The following LRRC4C variants were observed in gnomAD, a reference collection of about 807,000 sequenced individuals.
LRRC4C encodes the protein leucine rich repeat containing 4C.
LRRC4C carries 5 observed loss-of-function variants against 33.6 expected under a neutral mutation model. The ratio of observed to expected loss-of-function variants is 0.15; its 90% CI spans 0.08 to 0.31. LRRC4C has a LOEUF of 0.31. Among genes scored for constraint, LRRC4C ranks in the 10% least tolerant of loss-of-function variants. LRRC4C has a pLI of 1.00. For synonymous variants in LRRC4C, 329 were observed against 302.0 expected (o/e 1.09, Z -0.93); for missense variants, 560 against 796.7 (o/e 0.70, Z 3.58).
At chr11:41,439,480 A>G (rs890002675) in intron 1 of LRRC4C, among the ~76,000 whole-genome samples, 8 of 152,328 alleles carry the variant, frequency 5.3e-5, no homozygotes, top group African/African-American at 1.9e-4. Flanking sequence ...GTACTAATTT[A>G]CATTCCCACC....
At chr11:40,398,918 T>C (rs891230059) in intron 3 of LRRC4C, among the ~76,000 whole-genome samples, 7 of 152,154 alleles carry the variant, frequency 4.6e-5, no homozygotes, top group South Asian at 2.1e-4. Context: ...CAATTTGTAA[T>C]ACCAATTCCC....
At chr11:40,847,879 T>A (rs1953270075) in intron 2 of LRRC4C, among the ~76,000 whole-genome samples, 1 of 151,478 alleles carries the variant, frequency 6.6e-6, no homozygotes, top group Non-Finnish European at 1.5e-5. Context: ...CTTCCTGGTG[T>A]AGTCTTGGGA....
intron 5 of LRRC4C, among the ~76,000 whole-genome samples, chr11:40,167,431 T>C (rs1859686480): frequency 6.6e-6 from 1 of 152,180 alleles, no homozygotes; most frequent in Non-Finnish European, 1.5e-5. Context: ...TTTGTAATCA[T>C]GTGATTTTAT....
At chr11:40,743,333 G>A (rs763685673) in intron 2 of LRRC4C, among the ~76,000 whole-genome samples, 54 of 151,852 alleles carry the variant, frequency 3.6e-4, no homozygotes, top group South Asian at 8.3e-4. Context: ...CTCTTGCTGC[G>A]GTAACAAACT....
intron 1 of LRRC4C, among the ~76,000 whole-genome samples, chr11:41,183,350 T>C (rs1479446240): frequency 2.0e-5 from 3 of 152,132 alleles, no homozygotes; most frequent in Non-Finnish European, 4.4e-5. Context: ...AGCAAGTACA[T>C]TGTATGTACT....
chr11:40,905,423 C>T (rs1956375885), intron 2 of LRRC4C, among the ~76,000 whole-genome samples: 1 of 151,962 alleles, frequency 6.6e-6, no homozygotes, highest in Non-Finnish European at 1.5e-5. Flanking sequence ...ATCTTTGAGG[C>T]ATCCTGAAAA....
intron 3 of LRRC4C, among the ~76,000 whole-genome samples, chr11:40,348,707 A>G (rs1453111165): frequency 2.0e-5 from 3 of 152,128 alleles, no homozygotes; most frequent in Admixed American, 6.6e-5. Flanking sequence ...CAAATCTGTA[A>G]CTCTTTCTAA....
chr11:41,386,794 A>T (rs1340746165), intron 1 of LRRC4C, among the ~76,000 whole-genome samples: 1 of 151,676 alleles, frequency 6.6e-6, no homozygotes, highest in Non-Finnish European at 1.5e-5. Context: ...TACAGAATGG[A>T]TTTTTCATGG....
chr11:40,726,202 T>C (rs1231527383), intron 2 of LRRC4C, among the ~76,000 whole-genome samples: 2 of 151,334 alleles, frequency 1.3e-5, no homozygotes, highest in African/African-American at 4.9e-5. Context: ...TGTGGATTCA[T>C]AGCCAAATTC....
chr11:40,339,326 T>C (rs1323000430), intron 3 of LRRC4C, among the ~76,000 whole-genome samples: 1 of 152,176 alleles, frequency 6.6e-6, no homozygotes, highest in Non-Finnish European at 1.5e-5. Flanking sequence ...GCATGGGTTA[T>C]AGAATAAAAA....
intron 6 of LRRC4C, among the ~76,000 whole-genome samples, chr11:40,138,460 C>T (rs1857138527): frequency 6.6e-6 from 1 of 152,202 alleles, no homozygotes; most frequent in Non-Finnish European, 1.5e-5. Flanking sequence ...CTATGATGTA[C>T]TAGCTGTAGT....
intron 1 of LRRC4C, among the ~76,000 whole-genome samples, chr11:40,939,160 C>T (rs1464528180): frequency 6.6e-6 from 1 of 152,112 alleles, no homozygotes. Flanking sequence ...TGGTGTAATA[C>T]TAAATGATGC....
intron 5 of LRRC4C, among the ~76,000 whole-genome samples, chr11:40,224,293 T>A (rs1306261175): frequency 1.3e-5 from 2 of 152,252 alleles, no homozygotes; most frequent in African/African-American, 4.8e-5. Context: ...AGCATTTATA[T>A]CTTTTATCAT....
intron 2 of LRRC4C, among the ~76,000 whole-genome samples, chr11:40,914,173 G>A (rs746420558): frequency 6.6e-6 from 1 of 152,122 alleles, no homozygotes; most frequent in Non-Finnish European, 1.5e-5. Flanking sequence ...TAGAAAAAGA[G>A]GGAATCCTCC....
chr11:40,303,049 C>T (rs1056108001), intron 4 of LRRC4C, among the ~76,000 whole-genome samples: 6 of 151,846 alleles, frequency 4.0e-5, no homozygotes, highest in African/African-American at 1.2e-4. Context: ...GGAGTTTTTT[C>T]GAACGGTAAA....
rs185548734 is a variant in LRRC4C at position 40,543,318 on chromosome 11, T to C, written c.-270+104824A>G. On this transcript the variant is annotated intron_variant, in intron 3 of 6. Transcript: ENST00000528697. Reference sequence around the variant, plus strand: ...AAGGCTAGCACTGTAAAGGCCAAAGTAGACAATTTGCAGGCTCTGGTTTAT... The same window carrying C: ...AAGGCTAGCACTGTAAAGGCCAAAGCAGACAATTTGCAGGCTCTGGTTTAT... 3.3e-5 allele frequency among the ~76,000 whole-genome samples: 5 copies of C among 152,204 alleles called. No individual in the cohort carries two copies. In the East Asian group the frequency reaches 9.7e-4, roughly 29 times the overall value.
At chr11:40,890,409 C>T (rs1311441866) in intron 2 of LRRC4C, among the ~76,000 whole-genome samples, 1 of 152,074 alleles carries the variant, frequency 6.6e-6, no homozygotes, top group Non-Finnish European at 1.5e-5. Flanking sequence ...ATTATAAACT[C>T]ACTGCCTCAG....
chr11:40,526,820 G>A (rs1039526449), intron 3 of LRRC4C, among the ~76,000 whole-genome samples: 1 of 152,118 alleles, frequency 6.6e-6, no homozygotes, highest in Non-Finnish European at 1.5e-5. Context: ...TTTTAAAAAT[G>A]TGGTGTATTC....
At chr11:40,936,014 T>TTATATATATA (rs56879078) in intron 1 of LRRC4C, among the ~76,000 whole-genome samples, 59 of 49,280 alleles carry the variant, frequency 1.2e-3, no homozygotes, top group Non-Finnish European at 1.5e-3. Flanking sequence ...ATGCCAAATT[T>TTATATATATA]TATATATATA....
Sources: allele counts gnomAD v4.1 joint callset (sites outside exome capture counted in the v4.1 genomes callset), GRCh38; gene constraint gnomAD v4.1.1; transcripts MANE v1.5; gene names NCBI Gene and HGNC (gene_info 2026-07-23, HGNC 2026-07-21).